Variants in PDK1 observed in about 807,000 individuals in gnomAD.
PDK1 encodes pyruvate dehydrogenase kinase 1, also known as [Pyruvate dehydrogenase (acetyl-transferring)] kinase isozyme 1, mitochondrial.
A neutral mutation model predicts 54.2 loss-of-function variants in PDK1; 39 were observed. That is an observed-to-expected ratio of 0.72 (90% CI 0.56 to 0.94). The LOEUF is 0.94. PDK1 is among the 40% of genes least tolerant of loss of function. The pLI is 0.00. For missense variants in PDK1, 552 were observed against 566.0 expected, an observed-to-expected ratio of 0.98 and a Z score of 0.25; for synonymous variants, 221 against 207.1, an observed-to-expected ratio of 1.07 and a Z score of -0.58.
chr2:172,618,985 G>A, the PDK1 span, among the ~76,000 whole-genome samples: 1 of 152,142 alleles, frequency 6.6e-6, no homozygotes, highest in Non-Finnish European at 1.5e-5. Flanking sequence ...TAGATGCATC[G>A]ACCCTATAGA....
chr2:172,610,432 C>A (rs867325599), downstream of PDK1, among the ~76,000 whole-genome samples: 1 of 152,060 alleles, frequency 6.6e-6, no homozygotes. Context: ...GGGGGCTCCT[C>A]CCTGTGCCTA....
the PDK1 span, among the ~76,000 whole-genome samples, chr2:172,639,052 G>T: frequency 6.6e-6 from 1 of 152,174 alleles, no homozygotes; most frequent in African/African-American, 2.4e-5. Flanking sequence ...TTAAAATAGA[G>T]ACAAGGTCTC....
At chr2:172,687,932 C>T in the PDK1 span, among the ~76,000 whole-genome samples, 1 of 152,208 alleles carries the variant, frequency 6.6e-6, no homozygotes, top group Non-Finnish European at 1.5e-5. Context: ...TCAGTGGAAG[C>T]CTTACCAAGT....
chr2:172,558,837 T>C lies in PDK1; in HGVS notation c.326T>C (p.Leu109Ser). The C allele has an allele frequency of 6.2e-7, 1 of 1,612,268 alleles. No individual in the cohort carries two copies. Among genetic ancestry groups the C allele is most frequent in the African/African-American group, 1.3e-5 (1 of 74,956 alleles). The change falls in exon 2 of 11, where the codon TTG becomes TCG. Residue 109 changes from leucine (L) to serine (S), a missense_variant. Physicochemically the swap from Leu to Ser is moderately radical, Grantham distance 145. Transcript: ENST00000282077. ...CTTCTCAGGACACCATCCGTTCAAT[T>C]GGTACAAAGCTGGTAAGATTCTCAT... is the stretch of plus-strand genomic sequence containing the variant. ...DNLLRTPSVQ[L>S]VQSWYIQSLQ...
At chr2:172,688,723 C>T in the PDK1 span, among the ~76,000 whole-genome samples, 36 of 152,198 alleles carry the variant, frequency 2.4e-4, no homozygotes, top group Admixed American at 3.9e-4. Context: ...CCTCAGTGCA[C>T]TCCCCCTAGC....
chr2:172,623,501 C>A, the PDK1 span, among the ~76,000 whole-genome samples: 1 of 152,136 alleles, frequency 6.6e-6, no homozygotes, highest in Non-Finnish European at 1.5e-5. Context: ...CACTCAGAGT[C>A]AATTTTATCG....
chr2:172,681,734 C>A, the PDK1 span, among the ~76,000 whole-genome samples: 3 of 151,976 alleles, frequency 2.0e-5, no homozygotes, highest in Non-Finnish European at 2.9e-5. Flanking sequence ...TGTAAGTGGG[C>A]AAGGTGGGGA....
chr2:172,564,378 C>A, intron 3 of PDK1, 125 bp from the exon 4 acceptor site: 1 of 687,684 alleles, frequency 1.5e-6, no homozygotes, highest in Non-Finnish European at 2.5e-6. Context: ...TATAGGAAAA[C>A]ATGAACCGAT....
chr2:172,719,639 ATTTCCAATATATG>A, the PDK1 span, among the ~76,000 whole-genome samples: 5 of 151,850 alleles, frequency 3.3e-5, no homozygotes, highest in Non-Finnish European at 5.9e-5. Flanking sequence ...ATATATGTTT[ATTTCCAATATATG>A]TTTCCAATAT....
At chr2:172,581,989 C>T (rs1574506018) in intron 8 of PDK1, among the ~76,000 whole-genome samples, 1 of 151,928 alleles carries the variant, frequency 6.6e-6, no homozygotes, top group South Asian at 2.1e-4. Flanking sequence ...CTCAGCTCAC[C>T]ATGACCTCTC....
chr2:172,615,510 C>G, the PDK1 span, among the ~76,000 whole-genome samples: 1 of 152,098 alleles, frequency 6.6e-6, no homozygotes, highest in Non-Finnish European at 1.5e-5. Context: ...GTAATTCCAG[C>G]CACTCGGGAG....
At chr2:172,701,930 C>G in the PDK1 span, among the ~76,000 whole-genome samples, 293 of 152,180 alleles carry the variant, frequency 1.9e-3, 2 homozygotes, top group African/African-American at 6.7e-3. Flanking sequence ...TATATATCTT[C>G]TGGTGACAAT....
intron 10 of PDK1, among the ~76,000 whole-genome samples, chr2:172,594,160 T>G (rs1461202892): frequency 1.3e-5 from 2 of 151,626 alleles, no homozygotes; most frequent in Non-Finnish European, 2.9e-5. Flanking sequence ...GCCTCAGCCT[T>G]CCGAATAGCT....
At chr2:172,616,323 A>G in the PDK1 span, among the ~76,000 whole-genome samples, 1 of 152,338 alleles carries the variant, frequency 6.6e-6, no homozygotes, top group East Asian at 1.9e-4. Context: ...AAACCCAATG[A>G]TGTGAAATAA....
the PDK1 span, among the ~76,000 whole-genome samples, chr2:172,658,916 G>A: frequency 5.3e-5 from 8 of 152,150 alleles, no homozygotes; most frequent in African/African-American, 1.9e-4. Flanking sequence ...ACCCTTATCA[G>A]GAGTTTTTGA....
the PDK1 span, among the ~76,000 whole-genome samples, chr2:172,709,699 A>T: frequency 6.6e-6 from 1 of 152,238 alleles, no homozygotes; most frequent in Non-Finnish European, 1.5e-5. Context: ...GAGAAATTGC[A>T]TAAAGTGCCA....
At chr2:172,718,030 G>C in the PDK1 span, among the ~76,000 whole-genome samples, 1 of 152,196 alleles carries the variant, frequency 6.6e-6, no homozygotes, top group African/African-American at 2.4e-5. Context: ...CCTGGGGAAG[G>C]GTAAATGAAA....
chr2:172,717,186 G>C, the PDK1 span, among the ~76,000 whole-genome samples: 1 of 152,144 alleles, frequency 6.6e-6, no homozygotes, highest in African/African-American at 2.4e-5. Context: ...TTCTCTCATT[G>C]CTCACTCTAG....
chr2:172,641,387 C>T, the PDK1 span, among the ~76,000 whole-genome samples: 1 of 151,920 alleles, frequency 6.6e-6, no homozygotes, highest in South Asian at 2.1e-4. Context: ...CCCACCTCAG[C>T]CTCCCAAAGT....
Sources: gnomAD v4.1 joint callset for allele counts (sites outside exome capture counted in the v4.1 genomes callset) on GRCh38, gnomAD v4.1.1 for gene constraint, MANE v1.5 for transcripts, NCBI Gene and HGNC (gene_info 2026-07-23, HGNC 2026-07-21) for gene names.